Variants in RGS20 observed in about 807,000 individuals in gnomAD.
RGS20 encodes the protein gz-selective GTPase-activating protein.
A neutral mutation model predicts 33.6 loss-of-function variants in RGS20; 30 were observed. The ratio of observed to expected loss-of-function variants is 0.89; its 90% CI spans 0.67 to 1.21. The LOEUF (loss-of-function observed/expected upper bound fraction) is 1.21, where lower values mean the gene tolerates loss of function less well. Among genes scored for constraint, RGS20 ranks in the 50% most tolerant of loss-of-function variants. RGS20 has a pLI of 0.00. For synonymous variants in RGS20, 208 were observed against 197.9 expected, an observed-to-expected ratio of 1.05 and a Z score of -0.43; for missense variants, 472 against 502.4, an observed-to-expected ratio of 0.94 and a Z score of 0.58.
intron 2 of RGS20, among the ~76,000 whole-genome samples, chr8:53,892,080 C>G (rs1423667324): frequency 6.6e-6 from 1 of 152,076 alleles, no homozygotes; most frequent in Non-Finnish European, 1.5e-5. Context: ...GTGATGTTCC[C>G]CTTCCTGTGT....
At chr8:53,936,163 G>T (rs542254516) in intron 2 of RGS20, among the ~76,000 whole-genome samples, 1 of 152,186 alleles carries the variant, frequency 6.6e-6, no homozygotes, top group African/African-American at 2.4e-5. Flanking sequence ...ACAAAAGCTG[G>T]AAGCATTCCC....
At chr8:53,919,339 C>A (rs1260567558) in intron 2 of RGS20, among the ~76,000 whole-genome samples, 1 of 147,290 alleles carries the variant, frequency 6.8e-6, no homozygotes, top group Admixed American at 6.7e-5. Flanking sequence ...TGTGGGTTGT[C>A]TTTTCACTTT....
intron 2 of RGS20, among the ~76,000 whole-genome samples, chr8:53,919,328 C>G (rs1263428961): frequency 6.6e-6 from 1 of 150,814 alleles, no homozygotes; most frequent in African/African-American, 2.4e-5. Flanking sequence ...TTTTCCCACT[C>G]TGTGGGTTGT....
At chr8:53,858,379 G>A (rs1379219723) in intron 1 of RGS20, among the ~76,000 whole-genome samples, 4 of 151,978 alleles carry the variant, frequency 2.6e-5, no homozygotes, top group African/African-American at 9.7e-5. Context: ...AAACAGGCTA[G>A]TATCTCACTG....
intron 1 of RGS20, among the ~76,000 whole-genome samples, chr8:53,869,245 T>C (rs1022147600): frequency 2.0e-5 from 3 of 152,202 alleles, no homozygotes; most frequent in African/African-American, 7.2e-5. Context: ...TCTTTTTAGT[T>C]AGCTAGCAAA....
chr8:53,891,082 T>G lies in RGS20; in HGVS notation c.510+11480T>G, dbSNP rs1346981806. ...GGACCCAGCCATGTGTTTGAGGAAGTCCTTGTTACTGAAGGGGACTTGTTC... is the reference window on the plus strand; with the variant it reads ...GGACCCAGCCATGTGTTTGAGGAAGGCCTTGTTACTGAAGGGGACTTGTTC... On this transcript the variant is annotated intron_variant, in intron 2 of 5. Coordinates refer to ENST00000297313, the MANE Select transcript of RGS20 (RefSeq NM_170587.4). Among the ~76,000 whole-genome samples the G allele has an allele frequency of 2.0e-5, 3 of 152,166 alleles. No homozygotes were observed. In the East Asian group the frequency reaches 5.8e-4, roughly 29 times the overall value.
At chr8:53,950,667 T>G (rs1021607466) in intron 4 of RGS20, among the ~76,000 whole-genome samples, 3 of 152,022 alleles carry the variant, frequency 2.0e-5, no homozygotes, top group Admixed American at 2.0e-4. Context: ...CAGGCTGGCA[T>G]GCGGTGGCAC....
At chr8:53,917,065 G>A (rs1329848050) in intron 2 of RGS20, among the ~76,000 whole-genome samples, 1 of 152,160 alleles carries the variant, frequency 6.6e-6, no homozygotes, top group Non-Finnish European at 1.5e-5. Flanking sequence ...CATTCAGTCT[G>A]TAGCACTGAG....
intron 3 of RGS20, among the ~76,000 whole-genome samples, chr8:53,944,906 A>G (rs1814427783): frequency 6.6e-6 from 1 of 152,226 alleles, no homozygotes; most frequent in Admixed American, 6.5e-5. Context: ...AATCAAAACC[A>G]CAATGAAATA....
chr8:53,856,730 C>T (rs1426533038), intron 1 of RGS20, among the ~76,000 whole-genome samples: 1 of 152,166 alleles, frequency 6.6e-6, no homozygotes, highest in East Asian at 1.9e-4. Flanking sequence ...TAAACATGGT[C>T]AGAGCTTAGA....
chr8:53,898,522 A>G (rs547721693), intron 2 of RGS20, among the ~76,000 whole-genome samples: 1 of 152,334 alleles, frequency 6.6e-6, no homozygotes, highest in African/African-American at 2.4e-5. Context: ...ATTTAAATTC[A>G]TATCAAATGT....
intron 2 of RGS20, chr8:53,914,967 A>G (rs1417914334): frequency 6.6e-6 from 1 of 152,206 alleles, no homozygotes; most frequent in Non-Finnish European, 1.5e-5. Flanking sequence ...CAACATGGTG[A>G]AACTCTGTAT....
chr8:53,882,643 C>CAAAA (rs34390232), intron 2 of RGS20, among the ~76,000 whole-genome samples: 1,411 of 103,370 alleles, frequency 0.014, 19 homozygotes, highest in African/African-American at 0.032. Flanking sequence ...GACTCCGTCT[C>CAAAA]AAAAAAAAAA....
At chr8:53,906,568 A>G (rs1813185703) in intron 2 of RGS20, among the ~76,000 whole-genome samples, 1 of 152,230 alleles carries the variant, frequency 6.6e-6, no homozygotes, top group South Asian at 2.1e-4. Context: ...AATTAGGAGT[A>G]AATTGAAACA....
intron 3 of RGS20, among the ~76,000 whole-genome samples, chr8:53,940,747 C>T (rs1434421883): frequency 1.3e-5 from 2 of 152,166 alleles, no homozygotes; most frequent in Non-Finnish European, 2.9e-5. Flanking sequence ...CAAGAGGAAA[C>T]GTGGCCATGG....
chr8:53,952,354 A>G (rs1227201816), intron 4 of RGS20, among the ~76,000 whole-genome samples: 2 of 149,814 alleles, frequency 1.3e-5, no homozygotes, highest in Non-Finnish European at 3.0e-5. Context: ...GTCTCAAAAA[A>G]GAAAAAAGAA....
rs188202787 is a variant in RGS20, at chr8:53,901,505, G to C, written c.510+21903G>C. Among the ~76,000 whole-genome samples the C allele has an allele frequency of 5.9e-5, 9 of 152,314 alleles. No homozygotes were observed. In the East Asian group the frequency reaches 1.3e-3, roughly 23 times the overall value. On this transcript the variant is annotated intron_variant, in intron 2 of 5. Coordinates refer to ENST00000297313, the MANE Select transcript of RGS20 (RefSeq NM_170587.4). ...AATTCTGCCACTTCAGGGCTTAGAAGTAAGGTAGGTGTCTCTGCTGTCTAT... is the reference window on the plus strand; with the variant it reads ...AATTCTGCCACTTCAGGGCTTAGAACTAAGGTAGGTGTCTCTGCTGTCTAT...
chr8:53,909,207 G>GTGTA (rs1554520815), intron 2 of RGS20, among the ~76,000 whole-genome samples: 2 of 83,140 alleles, frequency 2.4e-5, no homozygotes, highest in Middle Eastern at 6.4e-3. Flanking sequence ...TATGGTATGT[G>GTGTA]TGTATATATA....
At chr8:53,855,001 G>T (rs1378960028) in intron 1 of RGS20, among the ~76,000 whole-genome samples, 1 of 152,206 alleles carries the variant, frequency 6.6e-6, no homozygotes, top group East Asian at 1.9e-4. Flanking sequence ...GGTGCTGAGT[G>T]GGGGAGAAAA....
Sources: allele counts gnomAD v4.1 joint callset (sites outside exome capture counted in the v4.1 genomes callset), GRCh38; gene constraint gnomAD v4.1.1; transcripts MANE v1.5; gene names NCBI Gene and HGNC (gene_info 2026-07-23, HGNC 2026-07-21).